The following KIAA1549L variants were observed in gnomAD, a reference collection of about 807,000 sequenced individuals.
KIAA1549L encodes UPF0606 protein KIAA1549L.
In KIAA1549L, 88 loss-of-function variants were observed where a neutral mutation model predicts 160.7. The observed-to-expected ratio is 0.55, with a 90% CI of 0.46 to 0.65. The LOEUF is 0.65. Among genes scored for constraint, KIAA1549L ranks in the 30% least tolerant of loss-of-function variants. The pLI is 0.00. For missense variants in KIAA1549L, 2,258 were observed against 2,437.5 expected (o/e 0.93, Z 1.55); for synonymous variants, 950 against 976.7 (o/e 0.97, Z 0.51).
chr11:33,489,722 G>A (rs922721091), intron 1 of KIAA1549L, among the ~76,000 whole-genome samples: 11 of 152,170 alleles, frequency 7.2e-5, no homozygotes, highest in Admixed American at 6.5e-4. Flanking sequence ...AGACCCAGAA[G>A]TGGCATCTGT....
At chr11:33,550,346 T>TAA (rs11398265) in intron 4 of KIAA1549L, among the ~76,000 whole-genome samples, 4 of 147,086 alleles carry the variant, frequency 2.7e-5, no homozygotes, top group South Asian at 4.3e-4. Context: ...CAAAACAAAT[T>TAA]AAAAAAAAAC....
chr11:33,606,718 T>C lies in KIAA1549L; in HGVS notation c.4957T>C (p.Ser1653Pro). 6.2e-7 allele frequency: 1 copy of C among 1,613,842 alleles called. No homozygotes were observed. Among genetic ancestry groups the C allele is most frequent in the Non-Finnish European group, 8.5e-7 (1 of 1,179,856 alleles). ...GGTGGCCGCTGAACCCTTTGACACATCTTCTGGGTCTGTGCAGCTCATTGC... is the reference window on the plus strand; with the variant it reads ...GGTGGCCGCTGAACCCTTTGACACACCTTCTGGGTCTGTGCAGCTCATTGC... ...SKVAAEPFDT[S>P]SGSVQLIAIK... The change falls in exon 14 of 21, where the codon TCT (serine) becomes CCT (proline). Residue 1653 changes from serine (S) to proline (P), a missense_variant. Around this residue, in one of 6 missense-constraint regions of KIAA1549L, gnomAD observed 1,359 missense variants for 1,546.6 expected, o/e 0.88. Coordinates refer to ENST00000658780, the MANE Select transcript of KIAA1549L (RefSeq NM_012194.3).
intron 13 of KIAA1549L, among the ~76,000 whole-genome samples, chr11:33,602,608 A>G (rs1355743499): frequency 6.6e-6 from 1 of 152,228 alleles, no homozygotes; most frequent in African/African-American, 2.4e-5. Flanking sequence ...ACAAGGCACA[A>G]TCAGATACAA....
chr11:33,593,092 G>A (rs146004082), intron 12 of KIAA1549L, among the ~76,000 whole-genome samples: 14 of 152,226 alleles, frequency 9.2e-5, no homozygotes, highest in Non-Finnish European at 1.3e-4. Flanking sequence ...ATGTCATTGG[G>A]GGGTTTTGAG....
At chr11:33,566,006 G>T (rs1173597270) in intron 8 of KIAA1549L, among the ~76,000 whole-genome samples, 1 of 152,094 alleles carries the variant, frequency 6.6e-6, no homozygotes, top group East Asian at 1.9e-4. Flanking sequence ...GGGAAACCCT[G>T]CCTCAAAAGA....
chr11:33,668,176 T>C lies in KIAA1549L; in HGVS notation c.*22T>C, dbSNP rs746305707. 5 of 1,602,172 alleles carry C rather than the reference T, an allele frequency of 3.1e-6. No homozygotes were observed. The African/African-American group carries it at 6.7e-5, about 21-fold the overall frequency. On this transcript the variant is annotated 3_prime_UTR_variant, in exon 21 of 21. Coordinates refer to ENST00000658780, the MANE Select transcript of KIAA1549L (RefSeq NM_012194.3). ...CTAACGCCTTAGCCCCGTGGGACTCTGGACTTCCAAACTCTGAGGACTCAG... is the reference window on the plus strand; with the variant it reads ...CTAACGCCTTAGCCCCGTGGGACTCCGGACTTCCAAACTCTGAGGACTCAG...
At chr11:33,424,083 C>A (rs1851071607) in intron 1 of KIAA1549L, among the ~76,000 whole-genome samples, 1 of 151,734 alleles carries the variant, frequency 6.6e-6, no homozygotes, top group Admixed American at 6.6e-5. Context: ...CATGGCTTCA[C>A]CAGTACAATC....
chr11:33,410,967 T>G (rs1435072201), intron 1 of KIAA1549L, among the ~76,000 whole-genome samples: 2 of 152,096 alleles, frequency 1.3e-5, no homozygotes, highest in African/African-American at 4.8e-5. Context: ...GAAAAGTGAC[T>G]GGATTTGGCC....
chr11:33,626,864 G>T (rs1727738334), intron 16 of KIAA1549L, among the ~76,000 whole-genome samples: 1 of 10,264 alleles, frequency 9.7e-5, no homozygotes, highest in Non-Finnish European at 1.9e-4. Context: ...TCCAGTTTTT[G>T]CCCATTCAGT....
chr11:33,424,271 T>C (rs1284673420), intron 1 of KIAA1549L, among the ~76,000 whole-genome samples: 1 of 152,158 alleles, frequency 6.6e-6, no homozygotes, highest in African/African-American at 2.4e-5. Context: ...TATGAGAGTT[T>C]TGAGAAAGTT....
intron 17 of KIAA1549L, among the ~76,000 whole-genome samples, chr11:33,646,714 C>T (rs147035618): frequency 1.3e-5 from 2 of 152,308 alleles, no homozygotes; most frequent in Non-Finnish European, 2.9e-5. Flanking sequence ...AACTGCCTGT[C>T]CAGGCTTGGA....
At chr11:33,569,163 A>G (rs1049841747) in intron 9 of KIAA1549L, among the ~76,000 whole-genome samples, 2 of 152,186 alleles carry the variant, frequency 1.3e-5, no homozygotes, top group African/African-American at 4.8e-5. Context: ...CAATCAAGGC[A>G]GTAGCCATCC....
chr11:33,618,043 G>C (rs1241212210), intron 15 of KIAA1549L, among the ~76,000 whole-genome samples: 1 of 152,192 alleles, frequency 6.6e-6, no homozygotes, highest in African/African-American at 2.4e-5. Context: ...GGTAATAGCA[G>C]AAAAGAAATC....
chr11:33,444,436 G>A (rs1341612755), intron 1 of KIAA1549L, among the ~76,000 whole-genome samples: 2 of 152,212 alleles, frequency 1.3e-5, no homozygotes, highest in African/African-American at 4.8e-5. Flanking sequence ...GTAAAAATCT[G>A]TCCATTCATA....
At chr11:33,663,491 TG>T (rs1196815266) in intron 20 of KIAA1549L, among the ~76,000 whole-genome samples, 1 of 152,180 alleles carries the variant, frequency 6.6e-6, no homozygotes, top group Non-Finnish European at 1.5e-5. Flanking sequence ...AATATTGCCC[TG>T]AGGATACTCC....
rs146238373 is a variant in KIAA1549L, at chr11:33,489,120, G to A, written c.239-52682G>A. On this transcript the variant is annotated intron_variant, in intron 1 of 20. Transcript: ENST00000658780. ...GAAATCTCTGTCTTAGCATGTCTTC[G>A]TCAGTTCAGGATGTCATAACAAAAT... is the stretch of plus-strand genomic sequence containing the variant. 3.2e-3 allele frequency among the ~76,000 whole-genome samples: 487 copies of A among 152,244 alleles called. 1 individual carries two copies. Among genetic ancestry groups the A allele is most frequent in the African/African-American group, 0.011 (455 of 41,540 alleles).
intron 1 of KIAA1549L, among the ~76,000 whole-genome samples, chr11:33,515,185 C>G (rs1005709619): frequency 3.3e-5 from 5 of 152,230 alleles, no homozygotes; most frequent in Non-Finnish European, 7.3e-5. Flanking sequence ...GTGCCTCCCC[C>G]ACCCACCAAA....
intron 8 of KIAA1549L, among the ~76,000 whole-genome samples, chr11:33,562,922 C>G (rs961091139): frequency 6.6e-6 from 1 of 151,998 alleles, no homozygotes; most frequent in Non-Finnish European, 1.5e-5. Context: ...CTCAGCCGAT[C>G]TGCCCGCCTT....
chr11:33,398,981 C>G (rs945052878), intron 1 of KIAA1549L, among the ~76,000 whole-genome samples: 15 of 144,088 alleles, frequency 1.0e-4, no homozygotes, highest in African/African-American at 3.1e-4. Flanking sequence ...GAAATGGAGT[C>G]TTGCTCTGTC....
Sources: allele counts gnomAD v4.1 joint callset (sites outside exome capture counted in the v4.1 genomes callset), GRCh38; gene constraint gnomAD v4.1.1; regional missense constraint gnomAD v4.1.1; transcripts MANE v1.5; gene names NCBI Gene and HGNC (gene_info 2026-07-23, HGNC 2026-07-21).